The following FMN2 variants were observed in gnomAD, a reference collection of about 807,000 sequenced individuals.
The protein encoded by FMN2 is formin 2, also known as formin-2.
Under a neutral mutation model 142.3 loss-of-function variants are expected in FMN2, and 51 were observed. That is an observed-to-expected ratio of 0.36 (90% CI 0.29 to 0.45). The LOEUF is 0.45. Ranked by LOEUF, FMN2 falls within the 20% of genes least tolerant of loss-of-function variation. The pLI is 1.00. For synonymous variants in FMN2, 882 were observed against 869.8 expected (o/e 1.01, Z -0.25); for missense variants, 1,936 against 2,122.8 (o/e 0.91, Z 1.73).
At chr1:240,193,770 C>T (rs1164995898) in intron 4 of FMN2, among the ~76,000 whole-genome samples, 3 of 152,260 alleles carry the variant, frequency 2.0e-5, no homozygotes, top group Non-Finnish European at 2.9e-5. Context: ...CCCGATGGGT[C>T]TCTCTGCTTC....
At chr1:240,317,714 C>T (rs981265432) in intron 8 of FMN2, among the ~76,000 whole-genome samples, 1 of 152,068 alleles carries the variant, frequency 6.6e-6, no homozygotes, top group Admixed American at 6.6e-5. Context: ...CATGTATGTA[C>T]ATAATTTTTT....
chr1:240,114,586 T>C (rs1661946299), intron 1 of FMN2, among the ~76,000 whole-genome samples: 1 of 152,138 alleles, frequency 6.6e-6, no homozygotes. Context: ...TCCATCCACT[T>C]GCTGTTCTTT....
chr1:240,468,903 C>T (rs539626759), intron 16 of FMN2, among the ~76,000 whole-genome samples: 3 of 152,338 alleles, frequency 2.0e-5, no homozygotes, highest in Non-Finnish European at 2.9e-5. Flanking sequence ...TTTCTGCCAA[C>T]TCTGGCAACA....
intron 14 of FMN2, among the ~76,000 whole-genome samples, chr1:240,358,178 C>T (rs1672338408): frequency 6.6e-6 from 1 of 152,128 alleles, no homozygotes; most frequent in African/African-American, 2.4e-5. Context: ...TTAATGCTTT[C>T]AGTATGCCCA....
rs757662354 is a variant in FMN2 at position 240,093,212 on chromosome 1, C to G, written c.1103C>G (p.Pro368Arg). 8 of 1,507,382 alleles carry G rather than the reference C, an allele frequency of 5.3e-6. No individual in the cohort carries two copies. The African/African-American group carries it at 7.0e-5, about 13-fold the overall frequency. The allele number at this position is 1,507,382 out of a possible 1,614,324, so 93.4% of individuals were successfully genotyped here. A position where few individuals can be genotyped will look rare whatever the true frequency, so the allele number is the denominator to read the frequency against. ...PRGSPGEEWA[P>R]EVGEDAPQRL... ...GGCTCTCCGGGGGAGGAGTGGGCCC[C>G]GGAGGTGGGAGAGGACGCCCCGCAG... Residue 368 changes from proline (P) to arginine (R), a missense_variant, in exon 1 of 18, where the codon CCG becomes CGG. By Grantham distance (103) the Pro-to-Arg change is moderately radical. Transcript: ENST00000319653.
At chr1:240,352,866 G>A (rs1440676122) in intron 13 of FMN2, among the ~76,000 whole-genome samples, 1 of 152,184 alleles carries the variant, frequency 6.6e-6, no homozygotes, top group African/African-American at 2.4e-5. Context: ...CAGCCCACAG[G>A]AAGTTGACTA....
At chr1:240,305,716 A>G (rs754023864) in intron 8 of FMN2, among the ~76,000 whole-genome samples, 21 of 152,176 alleles carry the variant, frequency 1.4e-4, no homozygotes, top group Non-Finnish European at 2.9e-4. Context: ...GAATGTGTCT[A>G]TTGTGTATTT....
At chr1:240,274,159 A>C (rs116495572) in intron 7 of FMN2, among the ~76,000 whole-genome samples, 2,777 of 152,080 alleles carry the variant, frequency 0.018, 85 homozygotes, top group African/African-American at 0.063. Flanking sequence ...ACAGAGAGAC[A>C]AAAATCCATG....
At chr1:240,426,550 A>G (rs1002982607) in intron 15 of FMN2, among the ~76,000 whole-genome samples, 1 of 152,206 alleles carries the variant, frequency 6.6e-6, no homozygotes, top group Non-Finnish European at 1.5e-5. Flanking sequence ...AGGTGAACAG[A>G]ATAGTACAGT....
chr1:240,265,037 C>G (rs1668754037), intron 7 of FMN2, among the ~76,000 whole-genome samples: 1 of 152,170 alleles, frequency 6.6e-6, no homozygotes. Flanking sequence ...GCTCAGGGCT[C>G]TCTGCTCTGG....
chr1:240,097,357 CTTT>C (rs534995077), intron 1 of FMN2, among the ~76,000 whole-genome samples: 3 of 131,108 alleles, frequency 2.3e-5, no homozygotes, highest in African/African-American at 2.8e-5. Context: ...TTATAGCTGC[CTTT>C]TTTTTTTTTT....
At position 240,093,614 on chromosome 1, in the gene FMN2, T is replaced by C; in HGVS notation, c.1505T>C (p.Leu502Pro). 7.0e-7 allele frequency: 1 copy of C among 1,426,170 alleles called. No individual in the cohort carries two copies. Among genetic ancestry groups the C allele is most frequent in the Non-Finnish European group, 9.1e-7 (1 of 1,100,708 alleles). The allele number at this position is 1,426,170 out of a possible 1,614,324, so 88.3% of individuals were successfully genotyped here. Residue 502 changes from leucine (L) to proline (P), a missense_variant, in exon 1 of 18, where the codon CTG (leucine) becomes CCG (proline). Physicochemically the swap from Leu to Pro is moderately conservative, Grantham distance 98 (BLOSUM62 -3). Coordinates refer to ENST00000319653, the MANE Select transcript of FMN2 (RefSeq NM_020066.5). ...CCCCGGGTGGGAGGCTCCGCGCACC[T>C]GCTGGAGCGCGGGGTGGCGAGTGAC... ...RTPRVGGSAH[L>P]LERGVASDSG...
At chr1:240,234,576 G>A (rs1281216835) in intron 6 of FMN2, among the ~76,000 whole-genome samples, 1 of 152,120 alleles carries the variant, frequency 6.6e-6, no homozygotes, top group South Asian at 2.1e-4. Context: ...CCATAATTGT[G>A]ATGTTGGACA....
At chr1:240,172,201 T>TATACACACACACAC (rs144786597) in intron 2 of FMN2, among the ~76,000 whole-genome samples, 1 of 147,128 alleles carries the variant, frequency 6.8e-6, no homozygotes, top group Non-Finnish European at 1.5e-5. Context: ...CACATACACA[T>TATACACACACACAC]ACACACACAC....
intron 6 of FMN2, among the ~76,000 whole-genome samples, chr1:240,255,685 T>C (rs184841452): frequency 6.6e-6 from 1 of 152,240 alleles, no homozygotes; most frequent in East Asian, 1.9e-4. Context: ...TTTATCTCAA[T>C]ATATAGCATA....
chr1:240,447,742 A>T (rs969814475), intron 16 of FMN2, among the ~76,000 whole-genome samples: 2 of 152,186 alleles, frequency 1.3e-5, no homozygotes, highest in Non-Finnish European at 2.9e-5. Context: ...GTGACTACTA[A>T]TGAAGTTTCT....
At chr1:240,180,350 C>T (rs1665097349) in intron 3 of FMN2, among the ~76,000 whole-genome samples, 1 of 151,978 alleles carries the variant, frequency 6.6e-6, no homozygotes. Context: ...AGCCTCGTTC[C>T]CAGAACCATA....
chr1:240,216,817 T>A (rs1477477043), intron 6 of FMN2, among the ~76,000 whole-genome samples: 2 of 151,898 alleles, frequency 1.3e-5, no homozygotes, highest in Non-Finnish European at 2.9e-5. Flanking sequence ...GGAGTAGTGG[T>A]GGATGCCTGT....
chr1:240,099,399 G>C (rs974441876), intron 1 of FMN2, among the ~76,000 whole-genome samples: 1 of 149,536 alleles, frequency 6.7e-6, no homozygotes, highest in African/African-American at 2.5e-5. Context: ...CAGATATTCT[G>C]TGGTGGGGGG....
Sources: allele counts gnomAD v4.1 joint callset (sites outside exome capture counted in the v4.1 genomes callset), GRCh38; gene constraint gnomAD v4.1.1; transcripts MANE v1.5; gene names NCBI Gene and HGNC (gene_info 2026-07-23, HGNC 2026-07-21).